The following RAPGEF4 variants were observed in gnomAD, a reference collection of about 807,000 sequenced individuals.
RAPGEF4 encodes RAP guanine-nucleotide-exchange factor (GEF) 4.
RAPGEF4 carries 66 observed loss-of-function variants against 147.9 expected under a neutral mutation model. The observed-to-expected ratio is 0.45, with a 90% confidence interval of 0.37 to 0.55. The LOEUF is 0.55. Ranked by LOEUF, RAPGEF4 falls within the 20% of genes least tolerant of loss-of-function variation. RAPGEF4 has a pLI of 0.00. For missense variants in RAPGEF4, 1,071 were observed against 1,257.3 expected (o/e 0.85, Z 2.24); for synonymous variants, 419 against 442.7 (o/e 0.95, Z 0.67).
chr2:172,970,448 T>G (rs1011258490), intron 10 of RAPGEF4, among the ~76,000 whole-genome samples: 1 of 152,188 alleles, frequency 6.6e-6, no homozygotes, highest in Admixed American at 6.5e-5. Context: ...CCCCCAACTT[T>G]TAAACTCAGC....
rs182150850 is a variant in RAPGEF4 at position 172,948,828 on chromosome 2, C to T, written c.538-11932C>T. Among the ~76,000 whole-genome samples, 75 of 151,990 alleles carry T rather than the reference C, an allele frequency of 4.9e-4. 1 individual carries two copies. Among genetic ancestry groups the T allele is most frequent in the Non-Finnish European group, 1.0e-4 (7 of 67,960 alleles). On this transcript the variant is annotated intron_variant, in intron 6 of 30. Coordinates refer to ENST00000397081, the MANE Select transcript of RAPGEF4 (RefSeq NM_007023.4). Reference sequence around the variant, plus strand: ...AGGGTAGAGGGTAGGAGGAGGGAGACGATCAGGAACAATAACTAATGGGTA... The same window carrying T: ...AGGGTAGAGGGTAGGAGGAGGGAGATGATCAGGAACAATAACTAATGGGTA...
intron 1 of RAPGEF4, among the ~76,000 whole-genome samples, chr2:172,737,901 A>G (rs111805106): frequency 1.3e-5 from 2 of 152,022 alleles, no homozygotes; most frequent in African/African-American, 4.8e-5. Flanking sequence ...ATGGAAGGAG[A>G]AAAAAAAGGT....
Position 172,852,922 on chromosome 2 carries a change from G to A in RAPGEF4, c.444+38497G>A, listed in dbSNP as rs373294814. ...TTCTAGTGATATGGTGCATTACATG[G>A]GTTGATTTTTTAATGTTAAAACAGT... is the stretch of plus-strand genomic sequence containing the variant. On this transcript the variant is annotated intron_variant, in intron 4 of 30. Transcript: ENST00000397081. Among the ~76,000 whole-genome samples, 256 of 151,874 alleles carry A rather than the reference G, an allele frequency of 1.7e-3. 1 individual carries two copies. The highest frequency in any genetic ancestry group is 6.0e-3 in the African/African-American group (249 of 41,454).
chr2:172,863,151 T>C (rs1694220430), intron 4 of RAPGEF4, among the ~76,000 whole-genome samples: 1 of 152,146 alleles, frequency 6.6e-6, no homozygotes, highest in Non-Finnish European at 1.5e-5. Context: ...GAAAAAATGA[T>C]GGGTTTATGA....
chr2:172,899,790 A>T (rs1471395511), intron 4 of RAPGEF4, among the ~76,000 whole-genome samples: 2 of 152,182 alleles, frequency 1.3e-5, no homozygotes, highest in Non-Finnish European at 2.9e-5. Flanking sequence ...GGCTAGAACT[A>T]GAGGTATGCA....
At chr2:172,952,656 C>T (rs1003492633) in intron 6 of RAPGEF4, among the ~76,000 whole-genome samples, 1 of 152,138 alleles carries the variant, frequency 6.6e-6, no homozygotes, top group African/African-American at 2.4e-5. Context: ...TTTGTAAGAT[C>T]TAAAAGAGAA....
intron 16 of RAPGEF4, among the ~76,000 whole-genome samples, chr2:172,998,790 A>G (rs1024044630): frequency 6.6e-6 from 1 of 152,194 alleles, no homozygotes; most frequent in Admixed American, 6.5e-5. Flanking sequence ...CCTCTGATTA[A>G]CTGTTTGCCC....
At chr2:172,890,868 G>A (rs796120253) in intron 4 of RAPGEF4, among the ~76,000 whole-genome samples, 5 of 152,352 alleles carry the variant, frequency 3.3e-5, no homozygotes, top group African/African-American at 1.2e-4. Context: ...GGTGGCTCAC[G>A]CCTGTAATCC....
intron 4 of RAPGEF4, among the ~76,000 whole-genome samples, chr2:172,824,608 G>A (rs1689461807): frequency 6.6e-6 from 1 of 152,208 alleles, no homozygotes; most frequent in African/African-American, 2.4e-5. Flanking sequence ...GTTTGTTCAA[G>A]GCTGTATGAT....
intron 28 of RAPGEF4, 91 bp downstream of exon 28, chr2:173,036,303 A>G (rs1346501118): frequency 4.0e-5 from 41 of 1,021,812 alleles, no homozygotes; most frequent in Non-Finnish European, 6.0e-5. Context: ...TACTTAGGGA[A>G]GAATGATCGA....
intron 4 of RAPGEF4, among the ~76,000 whole-genome samples, chr2:172,899,663 C>T (rs1698862381): frequency 6.6e-6 from 1 of 152,082 alleles, no homozygotes; most frequent in African/African-American, 2.4e-5. Context: ...CAGGATGATC[C>T]GTTTTTCTGC....
chr2:172,815,580 A>AAGG (rs1688421936), intron 4 of RAPGEF4, among the ~76,000 whole-genome samples: 19 of 152,230 alleles, frequency 1.2e-4, no homozygotes, highest in Admixed American at 1.2e-3. Flanking sequence ...ATTAAAAGGG[A>AAGG]CCAAGCTTGA....
At chr2:172,757,033 A>G (rs189128806) in intron 1 of RAPGEF4, among the ~76,000 whole-genome samples, 90 of 152,314 alleles carry the variant, frequency 5.9e-4, no homozygotes, top group Admixed American at 1.6e-3. Flanking sequence ...TAAGAACCTC[A>G]ATTTACCCAG....
chr2:172,809,102 T>G (rs1687774306), intron 3 of RAPGEF4, among the ~76,000 whole-genome samples: 1 of 152,096 alleles, frequency 6.6e-6, no homozygotes, highest in Non-Finnish European at 1.5e-5. Context: ...GGGGCATCCA[T>G]GATGGAGGTG....
At chr2:173,049,642 T>C (rs895496247) in intron 30 of RAPGEF4, among the ~76,000 whole-genome samples, 5 of 152,062 alleles carry the variant, frequency 3.3e-5, no homozygotes, top group Non-Finnish European at 7.4e-5. Flanking sequence ...AACTACTAAA[T>C]GTTCATTTTT....
rs73971838 is a variant in RAPGEF4, at chr2:173,020,673, T to C, written c.2211T>C (p.Asn737=). 2 of 1,614,056 alleles carry C rather than the reference T, an allele frequency of 1.2e-6. No individual in the cohort carries two copies. The highest frequency in any genetic ancestry group is 1.3e-5 in the African/African-American group (1 of 75,034). The part of the protein sequence containing the change: ...DVSVFTTLTI[N]GRLFACPREQ... ...CAGTATTTACGACGCTCACCATTAATGGACGCCTGTTTGCTTGCCCGCGAG... is the reference window on the plus strand; with the variant it reads ...CAGTATTTACGACGCTCACCATTAACGGACGCCTGTTTGCTTGCCCGCGAG... The change falls in exon 23 of 31, where the codon AAT becomes AAC. Residue 737 remains asparagine (N), a synonymous_variant. Transcript: ENST00000397081.
At chr2:172,957,029 A>G (rs1295140821) in intron 6 of RAPGEF4, among the ~76,000 whole-genome samples, 1 of 152,224 alleles carries the variant, frequency 6.6e-6, no homozygotes, top group African/African-American at 2.4e-5. Flanking sequence ...CAGTGGAGAC[A>G]CTGGAGTGAA....
chr2:172,912,657 A>C (rs1683563393), intron 4 of RAPGEF4, among the ~76,000 whole-genome samples: 1 of 152,200 alleles, frequency 6.6e-6, no homozygotes, highest in Non-Finnish European at 1.5e-5. Flanking sequence ...TCTGAATACA[A>C]ACTAAATGAC....
intron 29 of RAPGEF4, among the ~76,000 whole-genome samples, chr2:173,038,414 G>C (rs972136068): frequency 6.6e-6 from 1 of 152,212 alleles, no homozygotes; most frequent in Non-Finnish European, 1.5e-5. Context: ...CAGAGATGTA[G>C]AAGTCAGGGT....
Sources: gnomAD v4.1 joint callset for allele counts (sites outside exome capture counted in the v4.1 genomes callset) on GRCh38, gnomAD v4.1.1 for gene constraint, MANE v1.5 for transcripts, NCBI Gene and HGNC (gene_info 2026-07-23, HGNC 2026-07-21) for gene names.